Variants in ANKS1B observed in about 807,000 individuals in gnomAD.
ANKS1B encodes ankyrin repeat and sterile alpha motif domain-containing protein 1B.
A neutral mutation model predicts 148.3 loss-of-function variants in ANKS1B; 36 were observed. The ratio of observed to expected loss-of-function variants is 0.24; its 90% CI spans 0.19 to 0.32. The LOEUF is 0.32. Among genes scored for constraint, ANKS1B ranks in the 10% least tolerant of loss-of-function variants. The pLI is 1.00. For missense variants in ANKS1B, 1,157 were observed against 1,542.6 expected, an observed-to-expected ratio of 0.75 and a Z score of 4.19; for synonymous variants, 542 against 560.8, an observed-to-expected ratio of 0.97 and a Z score of 0.47.
intron 22 of ANKS1B, among the ~76,000 whole-genome samples, chr12:98,791,003 T>C (rs896236767): frequency 2.6e-5 from 4 of 152,100 alleles, no homozygotes; most frequent in Admixed American, 6.5e-5. Context: ...CAATATGGAA[T>C]AAGATGGTTG....
At chr12:99,361,245 T>C (rs1407518357) in intron 12 of ANKS1B, among the ~76,000 whole-genome samples, 2 of 152,046 alleles carry the variant, frequency 1.3e-5, no homozygotes, top group Non-Finnish European at 2.9e-5. Flanking sequence ...ATAAATAATA[T>C]ATACCTACTA....
chr12:99,602,634 T>G (rs974662633), intron 9 of ANKS1B, among the ~76,000 whole-genome samples: 1 of 152,034 alleles, frequency 6.6e-6, no homozygotes, highest in Non-Finnish European at 1.5e-5. Flanking sequence ...GGCATGAAGG[T>G]TGTTCATACA....
intron 10 of ANKS1B, among the ~76,000 whole-genome samples, chr12:99,479,961 C>T (rs970589297): frequency 1.3e-5 from 2 of 151,592 alleles, no homozygotes; most frequent in Non-Finnish European, 3.0e-5. Context: ...TTTATCCATT[C>T]CATTATGTAT....
Position 98,807,926 on chromosome 12 carries a change from A to C in ANKS1B, c.3067-8T>G. On this transcript the variant is annotated splice_polypyrimidine_tract_variant and splice_region_variant and intron_variant, in intron 19 of 26. Coordinates refer to ENST00000683438, the MANE Select transcript of ANKS1B (RefSeq NM_001352186.2). ...TTCACAGACAGACGACTGCTGATATAAACAGAAAACTATCTTATCTTGTCA... is the reference window on the plus strand; with the variant it reads ...TTCACAGACAGACGACTGCTGATATCAACAGAAAACTATCTTATCTTGTCA... 3 of 1,609,656 alleles carry C rather than the reference A, an allele frequency of 1.9e-6. No homozygotes were observed. The highest frequency in any genetic ancestry group is 2.5e-6 in the Non-Finnish European group (3 of 1,176,868).
intron 10 of ANKS1B, among the ~76,000 whole-genome samples, chr12:99,491,524 T>C (rs944329797): frequency 6.6e-6 from 1 of 152,102 alleles, no homozygotes; most frequent in African/African-American, 2.4e-5. Context: ...TTTATTCTGA[T>C]CCTCACCCTC....
chr12:98,991,458 TG>T (rs1434465597), intron 17 of ANKS1B, among the ~76,000 whole-genome samples: 2 of 152,202 alleles, frequency 1.3e-5, no homozygotes, highest in African/African-American at 4.8e-5. Context: ...ATTATTAGTA[TG>T]CAATATGTGT....
chr12:99,643,330 A>G (rs1164976776), intron 9 of ANKS1B, among the ~76,000 whole-genome samples: 1 of 152,240 alleles, frequency 6.6e-6, no homozygotes, highest in African/African-American at 2.4e-5. Context: ...TGAAACTGGA[A>G]TAAAAAGTTA....
chr12:98,802,923 G>T (rs1294081225), intron 20 of ANKS1B, among the ~76,000 whole-genome samples: 1 of 151,844 alleles, frequency 6.6e-6, no homozygotes, highest in Non-Finnish European at 1.5e-5. Context: ...CATGTATATT[G>T]TCTGTTGGTA....
At position 99,111,627 on chromosome 12, in the gene ANKS1B, C is replaced by T. The variant is rs77581080; in HGVS notation, c.2527-26604G>A. ...GTGTGGGAAAGCGAGGTCCCCTACA[C>T]GGCTCTGTATTCCTTATAAGTATAA... On this transcript the variant is annotated intron_variant, in intron 15 of 26. Transcript: ENST00000683438. 8.8e-3 allele frequency among the ~76,000 whole-genome samples: 1,331 copies of T among 152,110 alleles called. 35 individuals are homozygous for T. Among genetic ancestry groups the T allele is most frequent in the East Asian group, 0.085 (438 of 5,182 alleles).
chr12:99,055,050 T>C (rs1472431488), intron 16 of ANKS1B, among the ~76,000 whole-genome samples: 2 of 152,200 alleles, frequency 1.3e-5, no homozygotes, highest in Non-Finnish European at 2.9e-5. Context: ...AGAATGAAAG[T>C]CAGTGGCATT....
intron 17 of ANKS1B, among the ~76,000 whole-genome samples, chr12:98,966,247 C>T (rs989200045): frequency 6.6e-6 from 1 of 152,142 alleles, no homozygotes; most frequent in Non-Finnish European, 1.5e-5. Context: ...AGGATCTGAA[C>T]AGACAATCCT....
chr12:98,968,431 C>T (rs1321094451), intron 17 of ANKS1B, among the ~76,000 whole-genome samples: 1 of 152,094 alleles, frequency 6.6e-6, no homozygotes, highest in African/African-American at 2.4e-5. Flanking sequence ...AGTTGGAGAA[C>T]TACTGCTCTA....
intron 17 of ANKS1B, among the ~76,000 whole-genome samples, chr12:98,977,253 C>A (rs539335853): frequency 6.6e-6 from 1 of 152,100 alleles, no homozygotes; most frequent in Non-Finnish European, 1.5e-5. Context: ...TTTCAGTGCC[C>A]CAAATGTAAA....
At chr12:99,531,846 C>T (rs151199424) in intron 9 of ANKS1B, among the ~76,000 whole-genome samples, 6 of 152,268 alleles carry the variant, frequency 3.9e-5, no homozygotes, top group South Asian at 2.1e-4. Context: ...CTCTTTTCTC[C>T]GCATCTGAAC....
chr12:99,561,501 T>C (rs1304915940), intron 9 of ANKS1B, among the ~76,000 whole-genome samples: 1 of 152,224 alleles, frequency 6.6e-6, no homozygotes, highest in African/African-American at 2.4e-5. Flanking sequence ...TTTTTTCTTA[T>C]GCATTTTTTG....
intron 12 of ANKS1B, among the ~76,000 whole-genome samples, chr12:99,286,870 C>G (rs904903436): frequency 2.0e-5 from 3 of 152,106 alleles, no homozygotes; most frequent in African/African-American, 7.2e-5. Context: ...TGGGTGCCAG[C>G]TCAGCCACAG....
intron 15 of ANKS1B, 48 bp from the exon 16 acceptor site, chr12:99,085,071 T>G (rs752553325): frequency 4.3e-6 from 6 of 1,400,234 alleles, no homozygotes; most frequent in African/African-American, 1.4e-5. Context: ...ATTTATACTG[T>G]GGATAAATAA....
intron 16 of ANKS1B, among the ~76,000 whole-genome samples, chr12:99,080,544 A>T (rs1237024185): frequency 6.6e-6 from 1 of 152,232 alleles, no homozygotes; most frequent in African/African-American, 2.4e-5. Flanking sequence ...TATACTGTCA[A>T]CTCAGGTTGA....
chr12:99,016,875 G>GC (rs1027258186), intron 17 of ANKS1B, among the ~76,000 whole-genome samples: 1 of 152,168 alleles, frequency 6.6e-6, no homozygotes, highest in African/African-American at 2.4e-5. Context: ...AACTGGGCCT[G>GC]CCCCAGGGAC....
Sources: allele counts gnomAD v4.1 joint callset (sites outside exome capture counted in the v4.1 genomes callset), GRCh38; gene constraint gnomAD v4.1.1; transcripts MANE v1.5; gene names NCBI Gene and HGNC (gene_info 2026-07-23, HGNC 2026-07-21).